The following MYRIP variants were observed in gnomAD, a reference collection of about 807,000 sequenced individuals.
The protein encoded by MYRIP is rab effector MyRIP.
In MYRIP, 49 loss-of-function variants were observed where a neutral mutation model predicts 98.0. The observed-to-expected ratio is 0.50, with a 90% CI of 0.40 to 0.63. The LOEUF (loss-of-function observed/expected upper bound fraction) is 0.63. Ranked by LOEUF, MYRIP falls within the 30% of genes least tolerant of loss-of-function variation. The probability of loss-of-function intolerance (pLI) is 0.00; values close to 1 mark genes in which losing one functional copy is unlikely to be tolerated. For missense variants in MYRIP, 1,004 were observed against 1,058.2 expected (o/e 0.95, Z 0.71); for synonymous variants, 404 against 409.5 (o/e 0.99, Z 0.16).
At chr3:39,827,427 T>A (rs181388374) in intron 1 of MYRIP, among the ~76,000 whole-genome samples, 156 of 152,346 alleles carry the variant, frequency 1.0e-3, no homozygotes, top group Non-Finnish European at 2.1e-3. Flanking sequence ...CTTATTTTTT[T>A]AATCCATTCA....
At chr3:39,903,983 G>C (rs1465857140) in intron 2 of MYRIP, among the ~76,000 whole-genome samples, 1 of 152,078 alleles carries the variant, frequency 6.6e-6, no homozygotes, top group East Asian at 1.9e-4. Context: ...CATTAGTCTG[G>C]TTGTTTTGAA....
intron 1 of MYRIP, among the ~76,000 whole-genome samples, chr3:39,846,255 A>T (rs1209851056): frequency 6.6e-6 from 1 of 152,156 alleles, no homozygotes; most frequent in Non-Finnish European, 1.5e-5. Flanking sequence ...CCTTGGTACC[A>T]TCAGGGCCAA....
chr3:40,219,131 CTAAAT>C (rs1052363246), intron 11 of MYRIP, among the ~76,000 whole-genome samples: 1 of 151,960 alleles, frequency 6.6e-6, no homozygotes, highest in Non-Finnish European at 1.5e-5. Flanking sequence ...TGAGAAAAAA[CTAAAT>C]TAGATTCATA....
intron 3 of MYRIP, among the ~76,000 whole-genome samples, chr3:40,054,339 C>T (rs1947844152): frequency 6.6e-6 from 1 of 152,036 alleles, no homozygotes; most frequent in Admixed American, 6.6e-5. Flanking sequence ...AATATCTGAG[C>T]ATTTAGGATA....
At chr3:40,228,328 A>G (rs1952547354) in intron 11 of MYRIP, among the ~76,000 whole-genome samples, 4 of 152,258 alleles carry the variant, frequency 2.6e-5, no homozygotes, top group Admixed American at 2.6e-4. Flanking sequence ...CTGTATTGGC[A>G]TAAATATACT....
At chr3:39,842,755 C>CCT (rs566574896) in intron 1 of MYRIP, among the ~76,000 whole-genome samples, 40 of 151,636 alleles carry the variant, frequency 2.6e-4, no homozygotes, top group African/African-American at 9.3e-4. Flanking sequence ...AGGTGATTAC[C>CCT]CCCCCTGCTT....
chr3:39,979,061 A>G (rs778620452), intron 2 of MYRIP, among the ~76,000 whole-genome samples: 1 of 152,136 alleles, frequency 6.6e-6, no homozygotes, highest in Non-Finnish European at 1.5e-5. Flanking sequence ...ATGAAAAGGA[A>G]AAACTCAGCT....
intron 5 of MYRIP, 46 bp from the exon 6 acceptor site, chr3:40,166,800 T>C (rs1188029644): frequency 8.0e-7 from 1 of 1,256,716 alleles, no homozygotes. Context: ...ATCGTTTTAC[T>C]CATCATTCCC....
chr3:39,984,959 G>T (rs1220910142), intron 2 of MYRIP, among the ~76,000 whole-genome samples: 5 of 150,600 alleles, frequency 3.3e-5, no homozygotes, highest in African/African-American at 1.2e-4. Context: ...GTTTTGATTT[G>T]CATTTCTCTG....
intron 2 of MYRIP, among the ~76,000 whole-genome samples, chr3:40,027,814 C>A (rs181506918): frequency 5.3e-5 from 8 of 152,074 alleles, no homozygotes; most frequent in Non-Finnish European, 8.8e-5. Flanking sequence ...CCATGGCTAT[C>A]AAGGGGTGGC....
Position 40,193,088 on chromosome 3 carries a change from C to A in MYRIP, c.1665+2625C>A, listed in dbSNP as rs9839951. Among the ~76,000 whole-genome samples, 1,010 of 152,180 alleles carry A rather than the reference C, an allele frequency of 6.6e-3. 12 individuals carry two copies. Among genetic ancestry groups the A allele is most frequent in the African/African-American group, 0.024 (981 of 41,488 alleles). On this transcript the variant is annotated intron_variant, in intron 10 of 16. Transcript: ENST00000302541. ...ATAAGAACTGAAGGTGCAACAGTAA[C>A]AAGTGGGTACTTTTTTTTCACAGTG...
At chr3:39,986,736 T>C (rs984710417) in intron 2 of MYRIP, among the ~76,000 whole-genome samples, 2 of 151,770 alleles carry the variant, frequency 1.3e-5, no homozygotes, top group African/African-American at 4.8e-5. Context: ...GGGTAGGGGG[T>C]GGAGTGGATT....
At chr3:40,002,992 A>G (rs921758512) in intron 2 of MYRIP, among the ~76,000 whole-genome samples, 7 of 151,166 alleles carry the variant, frequency 4.6e-5, no homozygotes, top group Non-Finnish European at 7.4e-5. Flanking sequence ...AGACATCTAT[A>G]GGTATATATA....
intron 9 of MYRIP, among the ~76,000 whole-genome samples, chr3:40,182,660 C>A (rs1482452163): frequency 2.0e-5 from 3 of 152,170 alleles, no homozygotes; most frequent in Non-Finnish European, 1.5e-5. Context: ...TTGGGGGCTC[C>A]TGGACAAGTG....
chr3:40,028,289 A>C (rs1947182199), intron 2 of MYRIP, among the ~76,000 whole-genome samples: 1 of 152,190 alleles, frequency 6.6e-6, no homozygotes, highest in Non-Finnish European at 1.5e-5. Flanking sequence ...GATACTGCTA[A>C]AGATCAGACT....
chr3:39,811,893 T>A (rs1940708102), intron 1 of MYRIP, among the ~76,000 whole-genome samples: 1 of 152,212 alleles, frequency 6.6e-6, no homozygotes, highest in African/African-American at 2.4e-5. Context: ...GATTATGTTC[T>A]ATCTCCTTCC....
In MYRIP at chr3:39,941,511, A is replaced by G. The variant is rs544497908; in HGVS notation, c.110+40585A>G. On this transcript the variant is annotated intron_variant, in intron 2 of 16. Coordinates refer to ENST00000302541, the MANE Select transcript of MYRIP (RefSeq NM_015460.4). ...TGTATGTGTGTGTGTGTGTGTGTGT[A>G]TATATATACACACACACACTTTTTT... 6.2e-3 allele frequency among the ~76,000 whole-genome samples: 906 copies of G among 147,182 alleles called. 19 individuals carry two copies. The highest frequency in any genetic ancestry group is 0.039 in the Admixed American group (576 of 14,812).
At chr3:40,185,638 T>C (rs916107053) in intron 9 of MYRIP, among the ~76,000 whole-genome samples, 5 of 152,158 alleles carry the variant, frequency 3.3e-5, no homozygotes, top group Non-Finnish European at 7.4e-5. Flanking sequence ...AGGGAAAATT[T>C]GGTCAACTTC....
chr3:39,998,282 A>C (rs541868063), intron 2 of MYRIP, among the ~76,000 whole-genome samples: 92 of 152,322 alleles, frequency 6.0e-4, no homozygotes, highest in African/African-American at 2.1e-3. Context: ...TCTAGGAAAC[A>C]CCATCATCTC....
Sources: allele counts gnomAD v4.1 joint callset (sites outside exome capture counted in the v4.1 genomes callset), GRCh38; gene constraint gnomAD v4.1.1; transcripts MANE v1.5; gene names NCBI Gene and HGNC (gene_info 2026-07-23, HGNC 2026-07-21).